Variants in SEC63 observed in about 807,000 individuals in gnomAD.
The protein encoded by SEC63 is SEC63 protein translocation regulator.
SEC63 carries 56 observed loss-of-function variants against 116.2 expected under a neutral mutation model. That is an observed-to-expected ratio of 0.48 (90% CI 0.39 to 0.60). SEC63 has a LOEUF of 0.60. SEC63 is among the 20% of genes least tolerant of loss of function. The pLI is 0.00. For synonymous variants in SEC63, 273 were observed against 294.6 expected, an observed-to-expected ratio of 0.93 and a Z score of 0.75; for missense variants, 668 against 900.0, an observed-to-expected ratio of 0.74 and a Z score of 3.30.
rs530983520 is a variant in SEC63, at chr6:107,906,692, T to G, written c.819A>C (p.Leu273=). 6.2e-7 allele frequency: 1 copy of G among 1,613,570 alleles called. No individual in the cohort carries two copies. Among genetic ancestry groups the G allele is most frequent in the South Asian group, 1.1e-5 (1 of 91,072 alleles). ...GGGAAATTAGCCTAACCTGTGGTAT[T>G]AGAATATTATCCGTTGGTCTGCTTG... ...DATSRPTDNI[L]IPQLIREIGS... is the part of the protein sequence containing the mutation. Residue 273 remains leucine, a synonymous_variant, in exon 9 of 21, where the codon CTA becomes CTC. Coordinates refer to ENST00000369002, the MANE Select transcript of SEC63 (RefSeq NM_007214.5).
intron 18 of SEC63, among the ~76,000 whole-genome samples, chr6:107,879,644 T>C (rs1489289744): frequency 6.6e-6 from 1 of 151,908 alleles, no homozygotes; most frequent in Non-Finnish European, 1.5e-5. Flanking sequence ...TTTTATCTGA[T>C]AAATAATGAT....
intron 4 of SEC63, among the ~76,000 whole-genome samples, chr6:107,914,035 G>C (rs1787344303): frequency 6.6e-6 from 1 of 152,072 alleles, no homozygotes; most frequent in South Asian, 2.1e-4. Flanking sequence ...AATTTCTCCT[G>C]AACAGCAGCT....
chr6:107,941,930 C>T (rs1462747109), intron 1 of SEC63, among the ~76,000 whole-genome samples: 1 of 152,144 alleles, frequency 6.6e-6, no homozygotes, highest in Non-Finnish European at 1.5e-5. Context: ...TATCAGTGTA[C>T]AAATTGAAAG....
intron 3 of SEC63, among the ~76,000 whole-genome samples, chr6:107,924,444 G>A (rs1476624131): frequency 6.6e-6 from 1 of 150,608 alleles, no homozygotes; most frequent in African/African-American, 2.4e-5. Flanking sequence ...CAGGCGTGAT[G>A]GCGGGCGCCT....
intron 1 of SEC63, among the ~76,000 whole-genome samples, chr6:107,944,047 G>A (rs1235608716): frequency 6.6e-6 from 1 of 152,230 alleles, no homozygotes; most frequent in Non-Finnish European, 1.5e-5. Flanking sequence ...GTGGAGTGAT[G>A]AGAAATGGTC....
chr6:107,887,136 T>G (rs1366157832), intron 16 of SEC63, among the ~76,000 whole-genome samples: 7 of 152,042 alleles, frequency 4.6e-5, no homozygotes, highest in African/African-American at 1.4e-4. Context: ...AGGAACACTT[T>G]TACACTGTTG....
At chr6:107,877,695 G>A (rs12194028) in intron 18 of SEC63, among the ~76,000 whole-genome samples, 2 of 152,096 alleles carry the variant, frequency 1.3e-5, no homozygotes, top group Non-Finnish European at 1.5e-5. Flanking sequence ...TCCCATTTAG[G>A]CCTCCCAAAG....
chr6:107,953,137 G>C (rs1770614431), intron 1 of SEC63, among the ~76,000 whole-genome samples: 1 of 152,160 alleles, frequency 6.6e-6, no homozygotes, highest in South Asian at 2.1e-4. Context: ...GCTCGCGCCA[G>C]TTTTCCTAGC....
At chr6:107,927,932 A>G (rs1378856768) in intron 2 of SEC63, among the ~76,000 whole-genome samples, 1 of 152,006 alleles carries the variant, frequency 6.6e-6, no homozygotes, top group Admixed American at 6.6e-5. Context: ...TGTTATTTTT[A>G]TTGCTTTTTT....
At chr6:107,928,049 T>C (rs561791789) in intron 2 of SEC63, among the ~76,000 whole-genome samples, 1 of 152,276 alleles carries the variant, frequency 6.6e-6, no homozygotes, top group South Asian at 2.1e-4. Context: ...TAGGAAAATT[T>C]AATTCAAAAT....
chr6:107,877,739 G>C (rs1786315132), intron 18 of SEC63, among the ~76,000 whole-genome samples: 1 of 152,092 alleles, frequency 6.6e-6, no homozygotes, highest in Admixed American at 6.5e-5. Flanking sequence ...ACCACGCCTG[G>C]CCCATATTTA....
intron 6 of SEC63, among the ~76,000 whole-genome samples, chr6:107,912,214 T>C (rs557352128): frequency 1.2e-3 from 186 of 152,350 alleles, no homozygotes; most frequent in African/African-American, 4.4e-3. Context: ...ATTTTAGGGT[T>C]GCAGTGATTG....
At chr6:107,946,271 C>T (rs1770479217) in intron 1 of SEC63, among the ~76,000 whole-genome samples, 2 of 151,856 alleles carry the variant, frequency 1.3e-5, no homozygotes, top group South Asian at 4.2e-4. Context: ...CTCACTCTGT[C>T]GCCCGGGCCA....
At chr6:107,936,721 C>G (rs1414347002) in intron 1 of SEC63, among the ~76,000 whole-genome samples, 1 of 152,192 alleles carries the variant, frequency 6.6e-6, no homozygotes, top group Non-Finnish European at 1.5e-5. Flanking sequence ...TTTGCTAAAA[C>G]AGTCACTCTG....
chr6:107,906,340 G>C, intron 10 of SEC63, 108 bp downstream of exon 10: 1 of 1,176,230 alleles, frequency 8.5e-7, no homozygotes, highest in Non-Finnish European at 1.3e-6. Flanking sequence ...CCAGCCTCAG[G>C]TATTTCTTTA....
intron 1 of SEC63, chr6:107,956,116 GA>G (rs1562345786): frequency 4.8e-6 from 1 of 206,732 alleles, no homozygotes. Context: ...GCTTTAAAAA[GA>G]AAAAAAGAAC....
At chr6:107,957,851 G>A (rs1434899997) in intron 1 of SEC63, 35 bp downstream of exon 1, 1 of 1,590,864 alleles carries the variant, frequency 6.3e-7, no homozygotes, top group East Asian at 2.3e-5. Flanking sequence ...GGCGGGGCCT[G>A]CGCGGGTTCG....
At chr6:107,894,676 T>C (rs185958789) in intron 14 of SEC63, among the ~76,000 whole-genome samples, 263 of 152,294 alleles carry the variant, frequency 1.7e-3, no homozygotes, top group African/African-American at 6.0e-3. Flanking sequence ...CCTAGAATTA[T>C]TAAAGCTAAC....
At chr6:107,882,025 G>A (rs547476857) in intron 17 of SEC63, among the ~76,000 whole-genome samples, 1 of 152,130 alleles carries the variant, frequency 6.6e-6, no homozygotes, top group Non-Finnish European at 1.5e-5. Flanking sequence ...AGTCAGGCCA[G>A]GGATATAATG....
Sources: allele counts gnomAD v4.1 joint callset (sites outside exome capture counted in the v4.1 genomes callset), GRCh38; gene constraint gnomAD v4.1.1; transcripts MANE v1.5; gene names NCBI Gene and HGNC (gene_info 2026-07-23, HGNC 2026-07-21).